Variants in LAMA1 observed in about 807,000 individuals in gnomAD.
The protein encoded by LAMA1 is laminin subunit alpha 1.
A neutral mutation model predicts 348.7 loss-of-function variants in LAMA1; 219 were observed. That is an observed-to-expected ratio of 0.63 (90% CI 0.56 to 0.70). LAMA1 has a LOEUF of 0.70. LAMA1 is among the 30% of genes least tolerant of loss of function. LAMA1 has a pLI of 0.00. For missense variants in LAMA1, 3,744 were observed against 3,888.0 expected, an observed-to-expected ratio of 0.96 and a Z score of 0.99; for synonymous variants, 1,487 against 1,491.0, an observed-to-expected ratio of 1.00 and a Z score of 0.06.
At chr18:7,037,193 G>A (rs1007999586) in intron 12 of LAMA1, among the ~76,000 whole-genome samples, 4 of 152,176 alleles carry the variant, frequency 2.6e-5, no homozygotes, top group Non-Finnish European at 5.9e-5. Flanking sequence ...GTTGTTTCTT[G>A]TATGCCAGGC....
chr18:6,969,238 A>T (rs2057647532), intron 48 of LAMA1, among the ~76,000 whole-genome samples: 1 of 151,950 alleles, frequency 6.6e-6, no homozygotes. Context: ...AGTAGCTGGG[A>T]CTACAGGCGC....
intron 16 of LAMA1, among the ~76,000 whole-genome samples, chr18:7,029,754 A>T (rs1360794961): frequency 1.3e-5 from 2 of 152,188 alleles, no homozygotes; most frequent in African/African-American, 2.4e-5. Context: ...CTCTTTTCTA[A>T]ATCATGCCAA....
At chr18:7,080,556 G>A (rs2058189234) in intron 1 of LAMA1, 99 bp from the exon 2 acceptor site, 3 of 1,237,384 alleles carry the variant, frequency 2.4e-6, no homozygotes, top group African/African-American at 3.0e-5. Context: ...GAGATTGAAA[G>A]TCTATGTGCT....
At position 6,964,633 on chromosome 18, in the gene LAMA1, C is replaced by G. The variant is rs9951413; in HGVS notation, c.7337+29G>C. ...GCAAGCTAATAAAGTTGGAAATCAG[C>G]GACATGAAAATTCTGCAGTTTAATA... On this transcript the variant is annotated intron_variant, in intron 51 of 62. Coordinates refer to ENST00000389658, the MANE Select transcript of LAMA1 (RefSeq NM_005559.4). 0.013 allele frequency: 20,973 copies of G among 1,613,482 alleles called. 1,882 individuals carry two copies. In the African/African-American group the frequency reaches 0.22, roughly 17 times the overall value.
At chr18:6,977,954 T>C in intron 43 of LAMA1, 73 bp from the exon 44 acceptor site, 1 of 1,517,670 alleles carries the variant, frequency 6.6e-7, no homozygotes, top group African/African-American at 1.4e-5. Flanking sequence ...TAATTGTCCA[T>C]TAACAATGCA....
At position 6,972,913 on chromosome 18, in the gene LAMA1, A is replaced by G. The variant is rs922734756; in HGVS notation, c.6774+144T>C. On this transcript the variant is annotated intron_variant, in intron 47 of 62. Transcript: ENST00000389658. Reference sequence around the variant, plus strand: ...TCCATGTTGGTCAGGCTGGTCTTGAACTCCGGACCTCAGGTGATCTGCCCA... The same window carrying G: ...TCCATGTTGGTCAGGCTGGTCTTGAGCTCCGGACCTCAGGTGATCTGCCCA... The G allele has an allele frequency of 1.4e-4, 114 of 815,438 alleles. 1 individual carries two copies. Among genetic ancestry groups the G allele is most frequent in the Admixed American group, 1.1e-3 (60 of 55,374 alleles). 50.5% of individuals were successfully genotyped at this position (815,438 alleles called of 1,614,324 possible). A position where few individuals can be genotyped will look rare whatever the true frequency, so the allele number is the denominator to read the frequency against.
At chr18:6,961,817 G>T in intron 52 of LAMA1, 58 bp from the exon 53 acceptor site, 1 of 1,597,486 alleles carries the variant, frequency 6.3e-7, no homozygotes, top group Non-Finnish European at 8.6e-7. Context: ...CAAACCTTCC[G>T]TGGGGAGGAC....
intron 29 of LAMA1, among the ~76,000 whole-genome samples, chr18:7,002,739 T>TC (rs2144097974): frequency 6.6e-6 from 1 of 152,236 alleles, no homozygotes; most frequent in Admixed American, 6.5e-5. Flanking sequence ...TTGCACACAG[T>TC]CAGGGTTCAA....
chr18:7,012,772 T>C (rs2057867375), intron 23 of LAMA1, among the ~76,000 whole-genome samples: 1 of 149,918 alleles, frequency 6.7e-6, no homozygotes, highest in Admixed American at 6.7e-5. Context: ...TCCAAAGTGC[T>C]GGGATTACAG....
At chr18:7,109,922 G>A (rs1289289553) in intron 1 of LAMA1, among the ~76,000 whole-genome samples, 3 of 152,296 alleles carry the variant, frequency 2.0e-5, no homozygotes, top group South Asian at 2.1e-4. Context: ...GGTGGCTCAC[G>A]CCTGTAATCC....
At chr18:7,042,894 T>G in intron 8 of LAMA1, 1 of 263,840 alleles carries the variant, frequency 3.8e-6, no homozygotes, top group Non-Finnish European at 7.2e-6. Flanking sequence ...AAAATAAAAA[T>G]TAAAAAAAAA....
chr18:6,942,116 C>T lies in LAMA1; in HGVS notation c.9191G>A (p.Gly3064Glu). 6.2e-7 allele frequency: 1 copy of T among 1,614,188 alleles called. No homozygotes were observed. Among genetic ancestry groups the T allele is most frequent in the Non-Finnish European group, 8.5e-7 (1 of 1,180,042 alleles). ...FDFSRAFELH[G>E]VFLHSCPGTE... ...CCCAGGACAGGAATGAAGGAAAACT[C>T]CGTGCAGTTCGAACGCTCTGCTGAA... is the stretch of plus-strand genomic sequence containing the variant. The change falls in exon 63 of 63, where the codon GGA (glycine) becomes GAA (glutamate). Residue 3064 changes from glycine (G) to glutamate (E), a missense_variant. Physicochemically the swap from Gly to Glu is moderately conservative, Grantham distance 98. Transcript: ENST00000389658.
At chr18:7,020,264 A>C (rs1002670856) in intron 19 of LAMA1, among the ~76,000 whole-genome samples, 3 of 152,202 alleles carry the variant, frequency 2.0e-5, no homozygotes, top group Admixed American at 6.5e-5. Flanking sequence ...GCCCCACAGC[A>C]GAGGCAGGAG....
At position 7,011,448 on chromosome 18, in the gene LAMA1, C is replaced by G. The variant is rs543432434; in HGVS notation, c.3539G>C (p.Arg1180Pro). 1.0e-5 allele frequency: 16 copies of G among 1,608,032 alleles called. No individual in the cohort carries two copies. The highest frequency in any genetic ancestry group is 1.4e-5 in the Non-Finnish European group (16 of 1,177,626). ...VTLGSDQPLL[R>P]VVSQSNLRGT... ...CCTCAAGTTACTCTGAGAAACCACACGCAGAAGAGGCTGATCGGAGCCCAG... is the reference window on the plus strand; with the variant it reads ...CCTCAAGTTACTCTGAGAAACCACAGGCAGAAGAGGCTGATCGGAGCCCAG... Residue 1180 changes from arginine (R) to proline (P), a missense_variant, in exon 25 of 63, where the codon CGT (arginine) becomes CCT (proline). Arg to Pro is a moderately radical substitution (Grantham distance 103, BLOSUM62 -2). Transcript: ENST00000389658.
chr18:7,030,956 A>G (rs560658913), intron 16 of LAMA1, among the ~76,000 whole-genome samples: 1 of 152,160 alleles, frequency 6.6e-6, no homozygotes, highest in Admixed American at 6.5e-5. Flanking sequence ...GAGGAAAGCA[A>G]TCCTGGAGGG....
intron 40 of LAMA1, 100 bp from the exon 41 acceptor site, chr18:6,982,690 T>C (rs2057717547): frequency 3.0e-6 from 3 of 991,602 alleles, no homozygotes; most frequent in Non-Finnish European, 4.9e-6. Context: ...CCAGACACAT[T>C]CCCAGCAAGA....
At chr18:6,979,514 G>A (rs886388384) in intron 42 of LAMA1, among the ~76,000 whole-genome samples, 1 of 152,018 alleles carries the variant, frequency 6.6e-6, no homozygotes, top group South Asian at 2.1e-4. Flanking sequence ...TAAAACAATT[G>A]AAATTTTCAA....
intron 1 of LAMA1, among the ~76,000 whole-genome samples, chr18:7,102,575 G>A (rs189371816): frequency 7.0e-4 from 106 of 152,284 alleles, no homozygotes; most frequent in African/African-American, 2.1e-3. Context: ...TCTTTCTGTT[G>A]ACGATGATAC....
At position 7,064,365 on chromosome 18, in the gene LAMA1, G is replaced by A. The variant is rs190563124; in HGVS notation, c.346-13429C>T. On this transcript the variant is annotated intron_variant, in intron 3 of 62. Coordinates refer to ENST00000389658, the MANE Select transcript of LAMA1 (RefSeq NM_005559.4). ...GTCTAAGTTGAAAATGAGTAGGAAT[G>A]TAGTATTTCTAGGCAGGGGCCAACT... is the stretch of plus-strand genomic sequence containing the variant. 1.2e-3 allele frequency among the ~76,000 whole-genome samples: 180 copies of A among 152,284 alleles called. 1 individual carries two copies. The highest frequency in any genetic ancestry group is 1.5e-3 in the Non-Finnish European group (101 of 68,022).
Sources: gnomAD v4.1 joint callset for allele counts (sites outside exome capture counted in the v4.1 genomes callset) on GRCh38, gnomAD v4.1.1 for gene constraint, MANE v1.5 for transcripts, NCBI Gene and HGNC (gene_info 2026-07-23, HGNC 2026-07-21) for gene names.